Variants in SFTPC observed in about 807,000 individuals in gnomAD.
SFTPC encodes BRICHOS domain containing 6.
A neutral mutation model predicts 19.9 loss-of-function variants in SFTPC; 12 were observed. That is an observed-to-expected ratio of 0.60 (90% CI 0.39 to 0.98). The LOEUF is 0.98. Among genes scored for constraint, SFTPC ranks in the 50% least tolerant of loss-of-function variants. The probability of loss-of-function intolerance (pLI) is 0.00; values close to 1 mark genes in which losing one functional copy is unlikely to be tolerated. For synonymous variants in SFTPC, 123 were observed against 103.3 expected (o/e 1.19, Z -1.16); for missense variants, 219 against 252.2 (o/e 0.87, Z 0.89).
upstream of SFTPC, among the ~76,000 whole-genome samples, chr8:22,160,231 G>A (rs541039978): frequency 2.6e-5 from 4 of 152,306 alleles, no homozygotes; most frequent in East Asian, 5.8e-4. Context: ...AGATGGAGAG[G>A]GGGACAGGGG....
In SFTPC at chr8:22,162,705, C is replaced by T. The variant is rs1159277684; in HGVS notation, c.174C>T (p.Leu58=). The change falls in exon 2 of 6, where the codon CTC becomes CTT. Residue 58 remains leucine (L), a synonymous_variant. Transcript: ENST00000679463. ...VVIVGALLMG[L]HMSQKHTEMV... Reference sequence around the variant, plus strand: ...TTGTGGGAGCCCTGCTCATGGGTCTCCACATGAGCCAGAAACACACGGAGA... The same window carrying T: ...TTGTGGGAGCCCTGCTCATGGGTCTTCACATGAGCCAGAAACACACGGAGA... 2.5e-6 allele frequency: 4 copies of T among 1,614,070 alleles called. No homozygotes were observed. Among genetic ancestry groups the T allele is most frequent in the African/African-American group, 1.3e-5 (1 of 74,928 alleles).
At chr8:22,161,661 T>G, upstream of SFTPC, 1 of 1,593,674 alleles carries the variant, frequency 6.3e-7, no homozygotes, top group Non-Finnish European at 8.5e-7. Context: ...GGGGCTTATC[T>G]GGGCTTCGGT....
At chr8:22,159,665 G>C (rs1230299832), upstream of SFTPC, 2 of 672,484 alleles carry the variant, frequency 3.0e-6, no homozygotes, top group Non-Finnish European at 4.7e-6. Context: ...AAGAGCAGAG[G>C]CTTTTTCAAA....
chr8:22,161,980 A>G, intron 1 of SFTPC, 110 bp downstream of exon 1: 1 of 1,116,064 alleles, frequency 9.0e-7, no homozygotes. Context: ...CCATTCACTC[A>G]ACTAACCTAG....
chr8:22,163,288 T>C (rs1366685584), intron 3 of SFTPC, 86 bp downstream of exon 3: 3 of 1,583,626 alleles, frequency 1.9e-6, no homozygotes, highest in Non-Finnish European at 2.6e-6. Flanking sequence ...TCCACATCCA[T>C]CTCTCCCTCT....
chr8:22,162,393 T>C (rs943941666), intron 1 of SFTPC, among the ~76,000 whole-genome samples, 181 bp from the exon 2 acceptor site: 5 of 152,146 alleles, frequency 3.3e-5, no homozygotes, highest in Admixed American at 3.3e-4. Context: ...TATGGGTTTG[T>C]TAGAATCCAG....
chr8:22,163,001 A>G, intron 2 of SFTPC, 79 bp from the exon 3 acceptor site: 1 of 1,590,848 alleles, frequency 6.3e-7, no homozygotes. Flanking sequence ...ATTTGAGTAC[A>G]GAGGCCTGAG....
chr8:22,164,082 C>T, intron 5 of SFTPC, 23 bp downstream of exon 5: 1 of 1,611,440 alleles, frequency 6.2e-7, no homozygotes, highest in African/African-American at 1.3e-5. Flanking sequence ...GGCCCCTGAT[C>T]AGCAGCGGAG....
chr8:22,158,444 C>T (rs1419717057), upstream of SFTPC, among the ~76,000 whole-genome samples: 1 of 152,184 alleles, frequency 6.6e-6, no homozygotes, highest in Non-Finnish European at 1.5e-5. Flanking sequence ...CCCACCCCTG[C>T]AGCTGAGGGG....
In SFTPC at chr8:22,163,955, G is replaced by C. The variant is rs769328550; in HGVS notation, c.490G>C (p.Gly164Arg). 1.2e-6 allele frequency: 2 copies of C among 1,613,572 alleles called. No individual in the cohort carries two copies. The highest frequency in any genetic ancestry group is 1.7e-6 in the Non-Finnish European group (2 of 1,180,046). Residue 164 changes from glycine to arginine, a missense_variant, in exon 5 of 6, where the codon GGC (glycine) becomes CGC (arginine). Transcript: ENST00000679463. ...GGGCCAGGCAGAGGGGCGAGATGCAGGCTCAGCACCCTCCGGAGGGGACCC... is the reference window on the plus strand; with the variant it reads ...GGGCCAGGCAGAGGGGCGAGATGCACGCTCAGCACCCTCCGGAGGGGACCC... ...KLGQAEGRDA[G>R]SAPSGGDPAF...
Position 22,163,927 on chromosome 8 carries a change from G to A in SFTPC, c.462G>A (p.Lys154=), listed in dbSNP as rs745893171. Residue 154 remains lysine, a synonymous_variant, in exon 5 of 6, where the codon AAG becomes AAA. Coordinates refer to ENST00000679463, the MANE Select transcript of SFTPC (RefSeq NM_001317778.2). ...CCAAGCCCGCAGTGCCTACGTCTAA[G>A]CTGGGCCAGGCAGAGGGGCGAGATG... ...FQAKPAVPTS[K]LGQAEGRDAG... is the part of the protein sequence containing the mutation. 1.9e-5 allele frequency: 31 copies of A among 1,613,800 alleles called. No homozygotes were observed. The highest frequency in any genetic ancestry group is 5.0e-5 in the Admixed American group (3 of 60,014).
upstream of SFTPC, chr8:22,158,714 T>C (rs1827598203): frequency 6.6e-6 from 1 of 152,232 alleles, no homozygotes; most frequent in African/African-American, 2.4e-5. Flanking sequence ...ATCTCACAGA[T>C]GAACATACTA....
chr8:22,163,744 C>A, intron 4 of SFTPC, 157 bp from the exon 5 acceptor site: 1 of 843,266 alleles, frequency 1.2e-6, no homozygotes, highest in Non-Finnish European at 2.0e-6. Flanking sequence ...TGAGTCCACT[C>A]ACTACCTGGT....
rs912412873 is a variant in SFTPC at position 22,164,437 on chromosome 8, A to C, written c.*190A>C. 2 of 1,484,164 alleles carry C rather than the reference A, an allele frequency of 1.3e-6. No individual in the cohort carries two copies. The highest frequency in any genetic ancestry group is 2.6e-5 in the South Asian group (2 of 76,506). The allele number at this position is 1,484,164 out of a possible 1,614,324, so 91.9% of individuals were successfully genotyped here. On this transcript the variant is annotated 3_prime_UTR_variant, in exon 6 of 6. Coordinates refer to ENST00000679463, the MANE Select transcript of SFTPC (RefSeq NM_001317778.2). ...AGAGGTGGCGCCCAGGGGCCCGGGA[A>C]CTCCTGCCACAACAGAATAAAGCAG...
upstream of SFTPC, among the ~76,000 whole-genome samples, chr8:22,160,846 GAGA>G (rs1182784374): frequency 6.6e-6 from 1 of 152,210 alleles, no homozygotes; most frequent in African/African-American, 2.4e-5. Flanking sequence ...ACAGAGAAAA[GAGA>G]AGGAGACAGT....
intron 2 of SFTPC, 102 bp downstream of exon 2, chr8:22,162,834 G>T: frequency 6.7e-7 from 1 of 1,486,104 alleles, no homozygotes; most frequent in Non-Finnish European, 9.3e-7. Context: ...TGGAGGGGAG[G>T]AGGCAAGGGG....
upstream of SFTPC, chr8:22,161,770 T>C: frequency 6.2e-7 from 1 of 1,613,592 alleles, no homozygotes; most frequent in Non-Finnish European, 8.5e-7. Context: ...TACGGACACA[T>C]ATAAGACCCT....
chr8:22,163,510 T>C lies in SFTPC; in HGVS notation c.399T>C (p.Ser133=), dbSNP rs777230179. 2 of 1,613,884 alleles carry C rather than the reference T, an allele frequency of 1.2e-6. No homozygotes were observed. Among genetic ancestry groups the C allele is most frequent in the Non-Finnish European group, 1.7e-6 (2 of 1,179,922 alleles). Reference sequence around the variant, plus strand: ...AGATAGCTCCAGAGAGCATCCCCAGTCTTGAGGCTCTCACTAGAAAAGTCC... The same window carrying C: ...AGATAGCTCCAGAGAGCATCCCCAGCCTTGAGGCTCTCACTAGAAAAGTCC... The part of the protein sequence containing the change: ...IMKIAPESIP[S]LEALTRKVHN... The change falls in exon 4 of 6, where the codon AGT becomes AGC. Residue 133 remains serine (S), a synonymous_variant. Transcript: ENST00000679463.
At chr8:22,161,914 T>C (rs1289081812) in intron 1 of SFTPC, 44 bp downstream of exon 1, 2 of 1,585,048 alleles carry the variant, frequency 1.3e-6, no homozygotes, top group Non-Finnish European at 1.7e-6. Context: ...CGCGCGCACA[T>C]GTGTGTGATG....
Sources: allele counts gnomAD v4.1 joint callset (sites outside exome capture counted in the v4.1 genomes callset), GRCh38; gene constraint gnomAD v4.1.1; transcripts MANE v1.5; gene names NCBI Gene and HGNC (gene_info 2026-07-23, HGNC 2026-07-21).